METAP1D: variants seen among roughly 807,000 people sequenced by gnomAD.
The protein encoded by METAP1D is methionine aminopeptidase 1D, mitochondrial.
Under a neutral mutation model 40.5 loss-of-function variants are expected in METAP1D, and 31 were observed. That is an observed-to-expected ratio of 0.77 (90% confidence interval 0.58 to 1.03). The LOEUF is 1.03. Ranked by LOEUF, METAP1D falls within the 50% of genes least tolerant of loss-of-function variation. The pLI is 0.00. For missense variants in METAP1D, 411 were observed against 420.7 expected, an observed-to-expected ratio of 0.98 and a Z score of 0.20; for synonymous variants, 151 against 146.4, an observed-to-expected ratio of 1.03 and a Z score of -0.22.
At chr2:172,003,923 C>G (rs942089033) in intron 1 of METAP1D, among the ~76,000 whole-genome samples, 11 of 152,030 alleles carry the variant, frequency 7.2e-5, no homozygotes, top group African/African-American at 2.4e-4. Context: ...CACCACCACG[C>G]CTGGCTAATT....
At chr2:172,005,371 C>T (rs1198870378) in intron 1 of METAP1D, among the ~76,000 whole-genome samples, 3 of 151,508 alleles carry the variant, frequency 2.0e-5, no homozygotes, top group African/African-American at 7.3e-5. Flanking sequence ...AGCTTAGCTC[C>T]CACTTATAAG....
chr2:172,000,284 T>C (rs1688427428), intron 1 of METAP1D, among the ~76,000 whole-genome samples: 1 of 152,196 alleles, frequency 6.6e-6, no homozygotes, highest in Non-Finnish European at 1.5e-5. Context: ...TGTCTGAAGT[T>C]TTTTTCCCCA....
chr2:172,019,369 A>G (rs1688955246), intron 1 of METAP1D, among the ~76,000 whole-genome samples: 2 of 152,136 alleles, frequency 1.3e-5, no homozygotes, highest in Non-Finnish European at 2.9e-5. Context: ...TATTAATAAT[A>G]TACTCAAGAA....
At chr2:172,070,161 A>G (rs1486070570) in intron 5 of METAP1D, among the ~76,000 whole-genome samples, 1 of 152,192 alleles carries the variant, frequency 6.6e-6, no homozygotes, top group East Asian at 1.9e-4. Flanking sequence ...GTATCTTTCA[A>G]GATCCTACTT....
chr2:172,051,603 G>A (rs1379890005), intron 1 of METAP1D, among the ~76,000 whole-genome samples: 4 of 152,128 alleles, frequency 2.6e-5, no homozygotes, highest in Non-Finnish European at 4.4e-5. Context: ...GGAAGGTCAC[G>A]TTTTGCAGTG....
intron 1 of METAP1D, among the ~76,000 whole-genome samples, chr2:172,029,181 G>A (rs1375177183): frequency 6.6e-6 from 1 of 152,224 alleles, no homozygotes; most frequent in African/African-American, 2.4e-5. Context: ...GCTGAGGCAG[G>A]AGGATTGCTT....
chr2:172,074,777 C>T (rs1690505516), intron 6 of METAP1D, among the ~76,000 whole-genome samples: 1 of 152,116 alleles, frequency 6.6e-6, no homozygotes, highest in Non-Finnish European at 1.5e-5. Flanking sequence ...AATTTCATAA[C>T]TTATGAAATA....
At chr2:172,031,347 T>A (rs774432246) in intron 1 of METAP1D, among the ~76,000 whole-genome samples, 6 of 152,108 alleles carry the variant, frequency 3.9e-5, no homozygotes, top group Non-Finnish European at 7.4e-5. Context: ...GGTAGGGATC[T>A]TGGTGGGAGA....
chr2:172,078,095 T>C (rs1181058781), intron 7 of METAP1D, among the ~76,000 whole-genome samples: 2 of 152,142 alleles, frequency 1.3e-5, no homozygotes, highest in African/African-American at 2.4e-5. Context: ...GCCCAGCTGT[T>C]TCAATCCCAA....
intron 3 of METAP1D, 62 bp downstream of exon 3, chr2:172,063,922 T>C (rs1004548393): frequency 6.7e-6 from 10 of 1,481,636 alleles, no homozygotes; most frequent in African/African-American, 1.4e-5. Context: ...CCTCTTTTTT[T>C]CCTTCTCCTT....
chr2:172,031,072 T>G (rs1689231988), intron 1 of METAP1D, among the ~76,000 whole-genome samples: 1 of 152,224 alleles, frequency 6.6e-6, no homozygotes, highest in South Asian at 2.1e-4. Flanking sequence ...GTGTCATATT[T>G]TTATAAAACA....
intron 1 of METAP1D, among the ~76,000 whole-genome samples, chr2:172,040,828 C>G (rs1689503189): frequency 6.9e-6 from 1 of 144,600 alleles, no homozygotes; most frequent in South Asian, 2.2e-4. Flanking sequence ...CTCACTGCAG[C>G]CTCTGCCTCC....
chr2:172,076,260 T>G (rs555575440), intron 6 of METAP1D, among the ~76,000 whole-genome samples: 4 of 151,726 alleles, frequency 2.6e-5, no homozygotes, highest in African/African-American at 9.7e-5. Flanking sequence ...CTTAGAATCA[T>G]TGAGGTTTGT....
At chr2:172,071,272 C>T (rs1210358938) in intron 6 of METAP1D, among the ~76,000 whole-genome samples, 2 of 151,770 alleles carry the variant, frequency 1.3e-5, no homozygotes, top group Non-Finnish European at 2.9e-5. Flanking sequence ...ATACCAGGGT[C>T]AGCAAAGAAA....
chr2:172,030,200 C>A (rs1435999824), intron 1 of METAP1D, among the ~76,000 whole-genome samples: 1 of 151,832 alleles, frequency 6.6e-6, no homozygotes, highest in Non-Finnish European at 1.5e-5. Flanking sequence ...AGCAATTCTC[C>A]TGCCTCAGAC....
chr2:172,027,331 G>C (rs960962307), intron 1 of METAP1D, among the ~76,000 whole-genome samples: 5 of 152,154 alleles, frequency 3.3e-5, no homozygotes, highest in Non-Finnish European at 7.3e-5. Flanking sequence ...AGAATATAAT[G>C]CTGTTTTTAC....
At chr2:172,052,581 C>G (rs1371639073) in intron 1 of METAP1D, among the ~76,000 whole-genome samples, 3 of 152,186 alleles carry the variant, frequency 2.0e-5, no homozygotes, top group Non-Finnish European at 2.9e-5. Flanking sequence ...GCTTGGCTTC[C>G]CAGGCATGTC....
At chr2:172,066,493 T>G (rs1221066960) in intron 5 of METAP1D, among the ~76,000 whole-genome samples, 187 bp downstream of exon 5, 1 of 152,202 alleles carries the variant, frequency 6.6e-6, no homozygotes, top group Non-Finnish European at 1.5e-5. Context: ...CAGGCCTGAC[T>G]TGAATTTAGG....
intron 1 of METAP1D, among the ~76,000 whole-genome samples, chr2:172,057,935 CTTT>C (rs34383352): frequency 1.1e-4 from 16 of 144,602 alleles, no homozygotes; most frequent in Non-Finnish European, 7.6e-5. Flanking sequence ...TTTGTGCAGA[CTTT>C]TTTTTTTTTT....
Sources: gnomAD v4.1 joint callset for allele counts (sites outside exome capture counted in the v4.1 genomes callset) on GRCh38, gnomAD v4.1.1 for gene constraint, MANE v1.5 for transcripts, NCBI Gene and HGNC (gene_info 2026-07-23, HGNC 2026-07-21) for gene names.